The following CCDC154 variants were observed in gnomAD, a reference collection of about 807,000 sequenced individuals.
CCDC154 encodes coiled-coil domain-containing protein 154.
Under a neutral mutation model 87.5 loss-of-function variants are expected in CCDC154, and 91 were observed. That is an observed-to-expected ratio of 1.04 (90% CI 0.88 to 1.24). The LOEUF is 1.24. CCDC154 is among the 50% of genes most tolerant of loss of function. The pLI, the probability that CCDC154 is intolerant of heterozygous loss-of-function variation, is 0.00. For synonymous variants in CCDC154, 418 were observed against 400.4 expected, an observed-to-expected ratio of 1.04 and a Z score of -0.52; for missense variants, 903 against 879.2, an observed-to-expected ratio of 1.03 and a Z score of -0.34.
chr16:1,440,882 C>T (rs867965926), intron 6 of CCDC154, among the ~76,000 whole-genome samples: 73 of 149,468 alleles, frequency 4.9e-4, no homozygotes, highest in Admixed American at 2.4e-3. Context: ...ACGTGGGAGG[C>T]GGAGCTTGTA....
At chr16:1,438,437 G>A in intron 9 of CCDC154, 182 bp downstream of exon 9, 2 of 720,682 alleles carry the variant, frequency 2.8e-6, no homozygotes, top group Non-Finnish European at 2.2e-6. Context: ...GGCTGGGTGA[G>A]GGACAGGAGG....
chr16:1,444,055 C>T (rs914410435), intron 1 of CCDC154, 43 bp from the exon 2 acceptor site: 23 of 1,276,114 alleles, frequency 1.8e-5, no homozygotes, highest in Non-Finnish European at 2.3e-5. Context: ...GGGGCCCGGC[C>T]CCCACTGGAG....
In CCDC154 at chr16:1,438,086, C is replaced by G. The variant is rs1196565936; in HGVS notation, c.1116G>C (p.Glu372Asp). The stretch of plus-strand genomic sequence containing the variant: ...CTCCATGCATCTCCTGCCGGGCCAG[C>G]TCGCCAGCCAGCTGTGCGGCCTCCA... The part of the protein sequence containing the change: ...ENLEAAQLAG[E>D]LARQEMHGEL... The change falls in exon 10 of 17, where the codon GAG (glutamate) becomes GAC (aspartate). Residue 372 changes from glutamate to aspartate, a missense_variant. Physicochemically the swap from Glu to Asp is conservative, Grantham distance 45. Coordinates refer to ENST00000389176, the MANE Select transcript of CCDC154 (RefSeq NM_001143980.3). The G allele has an allele frequency of 6.5e-7, 1 of 1,548,790 alleles. No individual in the cohort carries two copies.
At position 1,438,665 on chromosome 16, in the gene CCDC154, T is replaced by C; in HGVS notation, c.979A>G (p.Asn327Asp). The C allele has an allele frequency of 6.5e-7, 1 of 1,550,130 alleles. No individual in the cohort carries two copies. The highest frequency in any genetic ancestry group is 1.2e-5 in the South Asian group (1 of 84,058). Residue 327 changes from asparagine (N) to aspartate (D), a missense_variant, in exon 9 of 17, where the codon AAC becomes GAC. Transcript: ENST00000389176. ...VAQLTKFVQQ[N>D]QASLNRVLLA... ...AGGACACGGTTCAGCGACGCCTGGT[T>C]CTGCTGCACAAACTTGGTCAGCTGG...
intron 14 of CCDC154, 35 bp downstream of exon 14, chr16:1,435,934 C>G (rs1450224280): frequency 1.3e-6 from 2 of 1,517,428 alleles, no homozygotes; most frequent in African/African-American, 1.4e-5. Context: ...GGCTCCCCCT[C>G]TCTCCCAGCT....
At chr16:1,435,491 G>T (rs1335792891) in intron 14 of CCDC154, among the ~76,000 whole-genome samples, 1 of 151,928 alleles carries the variant, frequency 6.6e-6, no homozygotes, top group Non-Finnish European at 1.5e-5. Context: ...AAGCTGGGGT[G>T]GCCCAGGGAC....
At position 1,438,958 on chromosome 16, in the gene CCDC154, C is replaced by T; in HGVS notation, c.778-15G>A. The stretch of plus-strand genomic sequence containing the variant: ...GCCTTCATTCTCTGTGGGGAGACCC[C>T]ACTGTCAGCTGCAGGTCTGCGTCTG... On this transcript the variant is annotated splice_polypyrimidine_tract_variant and intron_variant, in intron 7 of 16. Transcript: ENST00000389176. 6.5e-7 allele frequency: 1 copy of T among 1,548,854 alleles called. No individual in the cohort carries two copies. The highest frequency in any genetic ancestry group is 1.2e-5 in the South Asian group (1 of 83,976).
intron 6 of CCDC154, among the ~76,000 whole-genome samples, chr16:1,440,431 C>T (rs1312854795): frequency 1.4e-5 from 2 of 142,740 alleles, no homozygotes; most frequent in Non-Finnish European, 3.1e-5. Flanking sequence ...GCCTGGGCAA[C>T]AGAGCGAGAC....
At position 1,443,860 on chromosome 16, in the gene CCDC154, G is replaced by A. The variant is rs1279802044; in HGVS notation, c.160C>T (p.Pro54Ser). The A allele has an allele frequency of 1.5e-6, 2 of 1,304,356 alleles. No individual in the cohort carries two copies. Among genetic ancestry groups the A allele is most frequent in the Middle Eastern group, 2.1e-4 (1 of 4,698 alleles). The allele number at this position is 1,304,356 out of a possible 1,614,324, so 80.8% of individuals were successfully genotyped here. A position where few individuals can be genotyped will look rare whatever the true frequency, so the allele number is the denominator to read the frequency against. The change falls in exon 2 of 17, where the codon CCG (proline) becomes TCG (serine). Residue 54 changes from proline to serine, a missense_variant. Coordinates refer to ENST00000389176, the MANE Select transcript of CCDC154 (RefSeq NM_001143980.3). ...TCGGGGACAGAGGCCGTGGATGTCG[G>A]ATGGCTGGACTCATACCTCTCCGAG... ...ELSERYESSHPTSTASVPEQD... is the reference protein window; with the variant it reads ...ELSERYESSHSTSTASVPEQD...
In CCDC154 at chr16:1,434,717, G is replaced by A. The variant is rs2038484204; in HGVS notation, c.1828C>T (p.Pro610Ser). The change falls in exon 16 of 17, where the codon CCT becomes TCT. Residue 610 changes from proline to serine, a missense_variant. Coordinates refer to ENST00000389176, the MANE Select transcript of CCDC154 (RefSeq NM_001143980.3). ...RPRVFIKDMAPGKVVPMNCWG... is the reference protein window; with the variant it reads ...RPRVFIKDMASGKVVPMNCWG... ...CAGTTCATGGGCACCACCTTGCCAG[G>A]CGCCATGTCCTTGATGAAGACCCGC... 2.6e-6 allele frequency: 4 copies of A among 1,546,904 alleles called. No homozygotes were observed. Among genetic ancestry groups the A allele is most frequent in the Non-Finnish European group, 3.5e-6 (4 of 1,146,816 alleles).
intron 13 of CCDC154, among the ~76,000 whole-genome samples, 161 bp from the exon 14 acceptor site, chr16:1,436,247 G>A (rs1414311796): frequency 6.6e-6 from 1 of 152,206 alleles, no homozygotes; most frequent in Non-Finnish European, 1.5e-5. Context: ...CCCCAACGGG[G>A]GGTAGAGGGA....
chr16:1,436,016 C>T lies in CCDC154; in HGVS notation c.1558G>A (p.Asp520Asn), dbSNP rs1323438811. The stretch of plus-strand genomic sequence containing the variant: ...TCCGCGATCTTCCGCCCAGGGTTGT[C>T]TTCCTTTAGCAGCTGCACGGATGAT... The part of the protein sequence containing the change: ...LLSSVQLLKE[D>N]NPGRKIAEMQ... The change falls in exon 14 of 17, where the codon GAC (aspartate) becomes AAC (asparagine). Residue 520 changes from aspartate (D) to asparagine (N), a missense_variant. Transcript: ENST00000389176. 2.6e-6 allele frequency: 4 copies of T among 1,550,366 alleles called. No individual in the cohort carries two copies. The highest frequency in any genetic ancestry group is 3.9e-5 in the Admixed American group (2 of 51,008).
chr16:1,444,063 G>A (rs1472754531), intron 1 of CCDC154, 51 bp from the exon 2 acceptor site: 2 of 1,258,948 alleles, frequency 1.6e-6, no homozygotes, highest in African/African-American at 1.5e-5. Flanking sequence ...GCCCCCACTG[G>A]AGCTTACGGG....
chr16:1,436,322 C>G, intron 13 of CCDC154, 123 bp downstream of exon 13: 2 of 982,614 alleles, frequency 2.0e-6, no homozygotes, highest in Middle Eastern at 2.4e-4. Flanking sequence ...GGGCCAGGCC[C>G]GGGCTCAGGG....
In CCDC154 at chr16:1,437,936, C is replaced by G; in HGVS notation, c.1171G>C (p.Ala391Pro). ...ELVLLREKSR[A>P]LEASVAQLAG... ...AGCTGCGCCACGGATGCCTCCAGAGCCCGGCTCTTCTCTCGGAGCTGCAGG... is the reference window on the plus strand; with the variant it reads ...AGCTGCGCCACGGATGCCTCCAGAGGCCGGCTCTTCTCTCGGAGCTGCAGG... The change falls in exon 11 of 17, where the codon GCT becomes CCT. Residue 391 changes from alanine (A) to proline (P), a missense_variant. Physicochemically the swap from Ala to Pro is conservative, Grantham distance 27. Coordinates refer to ENST00000389176, the MANE Select transcript of CCDC154 (RefSeq NM_001143980.3). 1 of 1,546,726 alleles carries G rather than the reference C, an allele frequency of 6.5e-7. No individual in the cohort carries two copies. The highest frequency in any genetic ancestry group is 8.7e-7 in the Non-Finnish European group (1 of 1,145,818).
chr16:1,438,074 C>G lies in CCDC154; in HGVS notation c.1128G>C (p.Gln376His). The G allele has an allele frequency of 1.3e-6, 2 of 1,548,500 alleles. No individual in the cohort carries two copies. Among genetic ancestry groups the G allele is most frequent in the Non-Finnish European group, 1.7e-6 (2 of 1,145,860 alleles). Reference protein sequence around the residue: ...AAQLAGELARQEMHGELVLLR... With the variant: ...AAQLAGELARHEMHGELVLLR... The stretch of plus-strand genomic sequence containing the variant: ...CCAGCACCAGCTCTCCATGCATCTC[C>G]TGCCGGGCCAGCTCGCCAGCCAGCT... Residue 376 changes from glutamine to histidine, a missense_variant, in exon 10 of 17, where the codon CAG (glutamine) becomes CAC (histidine). Physicochemically the swap from Gln to His is conservative, Grantham distance 24. Transcript: ENST00000389176.
rs2038520117 is a variant in CCDC154 at position 1,438,263 on chromosome 16, C to T, written c.1026-87G>A. On this transcript the variant is annotated intron_variant, in intron 9 of 16. Coordinates refer to ENST00000389176, the MANE Select transcript of CCDC154 (RefSeq NM_001143980.3). The stretch of plus-strand genomic sequence containing the variant: ...AGGGAGGGGAGCTTGGCTGCTGGCT[C>T]CAGAACCTCCCAGGAGACCCTGGGA... 2 of 1,407,502 alleles carry T rather than the reference C, an allele frequency of 1.4e-6. 1 individual carries two copies. Among genetic ancestry groups the T allele is most frequent in the South Asian group, 3.1e-5 (2 of 65,474 alleles). The allele number at this position is 1,407,502 out of a possible 1,614,324, so 87.2% of individuals were successfully genotyped here.
intron 6 of CCDC154, among the ~76,000 whole-genome samples, chr16:1,440,437 G>A (rs999465879): frequency 8.4e-5 from 12 of 142,904 alleles, no homozygotes; most frequent in African/African-American, 2.1e-4. Context: ...GCAACAGAGC[G>A]AGACTCCATC....
At chr16:1,437,988 C>G (rs984856315) in intron 10 of CCDC154, 34 bp from the exon 11 acceptor site, 4 of 1,537,410 alleles carry the variant, frequency 2.6e-6, no homozygotes, top group Non-Finnish European at 2.6e-6. Context: ...GGAGGCCTGG[C>G]TGAGCGCCCA....
Sources: allele counts gnomAD v4.1 joint callset (sites outside exome capture counted in the v4.1 genomes callset), GRCh38; gene constraint gnomAD v4.1.1; transcripts MANE v1.5; gene names NCBI Gene and HGNC (gene_info 2026-07-23, HGNC 2026-07-21).